ASB18: variants seen among roughly 807,000 people sequenced by gnomAD.
ASB18 encodes the protein ankyrin repeat and SOCS box containing 18.
A neutral mutation model predicts 33.4 loss-of-function variants in ASB18; 33 were observed. The observed-to-expected ratio is 0.99, with a 90% confidence interval of 0.75 to 1.32. The LOEUF (loss-of-function observed/expected upper bound fraction) is 1.32. ASB18 is among the 40% of genes most tolerant of loss of function. The probability of loss-of-function intolerance (pLI) is 0.00; values close to 1 mark genes in which losing one functional copy is unlikely to be tolerated. For synonymous variants in ASB18, 295 were observed against 307.6 expected, an observed-to-expected ratio of 0.96 and a Z score of 0.43; for missense variants, 694 against 655.5, an observed-to-expected ratio of 1.06 and a Z score of -0.64.
intron 3 of ASB18, among the ~76,000 whole-genome samples, chr2:236,224,557 GA>G (rs74941956): frequency 6.6e-6 from 1 of 151,882 alleles, no homozygotes; most frequent in African/African-American, 2.4e-5. Flanking sequence ...CAGTTTTTGG[GA>G]AAAAAACTTC....
At position 236,231,564 on chromosome 2, in the gene ASB18, C is replaced by T. The variant is rs559157629; in HGVS notation, c.596+6125G>A. 1.6e-4 allele frequency among the ~76,000 whole-genome samples: 24 copies of T among 152,294 alleles called. No individual in the cohort carries two copies. The highest frequency in any genetic ancestry group is 1.4e-3 in the Admixed American group (22 of 15,294). The stretch of plus-strand genomic sequence containing the variant: ...ACAATGAATCTGCTGGCAACTTGAT[C>T]TTGGACTTCCCAGCCTCCAGGACTG... On this transcript the variant is annotated intron_variant, in intron 3 of 5. Transcript: ENST00000409749. This position sits in a 1 kb window ranked among gnomAD's most constrained non-coding sequence, Gnocchi z 5.5.
chr2:236,242,297 G>T, intron 1 of ASB18, among the ~76,000 whole-genome samples: 1 of 152,110 alleles, frequency 6.6e-6, no homozygotes. Context: ...ACTGTCAGGA[G>T]CCACTTTCCA....
rs962080739 is a variant in ASB18 at position 236,238,068 on chromosome 2, A to G, written c.329-112T>C. On this transcript the variant is annotated intron_variant, in intron 2 of 5. Transcript: ENST00000409749. This position sits in a 1 kb window ranked among gnomAD's most constrained non-coding sequence, Gnocchi z 5.2. The stretch of plus-strand genomic sequence containing the variant: ...AAGCCGTCTCTTAAAGGTAGGTACC[A>G]GGTAGGCATGTAGGGAGAAGAGGAT... 9.0e-6 allele frequency: 8 copies of G among 886,754 alleles called. No homozygotes were observed. The highest frequency in any genetic ancestry group is 1.1e-5 in the Non-Finnish European group (7 of 641,370). 54.9% of individuals were successfully genotyped at this position (886,754 alleles called of 1,614,324 possible).
rs902191939 is a variant in ASB18, at chr2:236,223,968, T to C, written c.597-9102A>G. On this transcript the variant is annotated intron_variant, in intron 3 of 5. Transcript: ENST00000409749. The surrounding 1 kb of genome is among the most constrained non-coding windows in gnomAD (Gnocchi z 4.6). Reference sequence around the variant, plus strand: ...GCATGTTTCTATTTTTTGACTATTATAAATAAAGCTTCTATGAACGTTTTT... The same window carrying C: ...GCATGTTTCTATTTTTTGACTATTACAAATAAAGCTTCTATGAACGTTTTT... Among the ~76,000 whole-genome samples, 6 of 152,158 alleles carry C rather than the reference T, an allele frequency of 3.9e-5. No homozygotes were observed. In the East Asian group the frequency reaches 1.2e-3, roughly 29 times the overall value.
rs149653425 is a variant in ASB18 at position 236,235,012 on chromosome 2, G to C, written c.596+2677C>G. Among the ~76,000 whole-genome samples the C allele has an allele frequency of 9.1e-4, 138 of 152,304 alleles. No homozygotes were observed. The highest frequency in any genetic ancestry group is 3.2e-3 in the African/African-American group (134 of 41,570). On this transcript the variant is annotated intron_variant, in intron 3 of 5. Coordinates refer to ENST00000409749, the MANE Select transcript of ASB18 (RefSeq NM_212556.4). This position sits in a 1 kb window ranked among gnomAD's most constrained non-coding sequence, Gnocchi z 6.2. ...TGCTAAGAGAATAAAATCTAAGCCA[G>C]AGACTGGCAGGTAATACTTATCAAT... is the stretch of plus-strand genomic sequence containing the variant.
In ASB18 at chr2:236,251,393, G is replaced by A. The variant is rs1372688316; in HGVS notation, c.206-9991C>T. Among the ~76,000 whole-genome samples the A allele has an allele frequency of 2.0e-5, 3 of 152,192 alleles. No homozygotes were observed. Among genetic ancestry groups the A allele is most frequent in the African/African-American group, 7.2e-5 (3 of 41,454 alleles). On this transcript the variant is annotated intron_variant, in intron 1 of 5. Coordinates refer to ENST00000409749, the MANE Select transcript of ASB18 (RefSeq NM_212556.4). This position sits in a 1 kb window ranked among gnomAD's most constrained non-coding sequence, Gnocchi z 5.3. The stretch of plus-strand genomic sequence containing the variant: ...ACGAAGTTTCTTTACAACTGGCGTG[G>A]GGATTTAATTACATGATAAAATTGC...
rs2060694758 is a variant in ASB18 at position 236,256,854 on chromosome 2, C to T, written c.205+7287G>A. Among the ~76,000 whole-genome samples the T allele has an allele frequency of 6.6e-6, 1 of 151,988 alleles. No homozygotes were observed. The highest frequency in any genetic ancestry group is 2.1e-4 in the South Asian group (1 of 4,790). On this transcript the variant is annotated intron_variant, in intron 1 of 5. Coordinates refer to ENST00000409749, the MANE Select transcript of ASB18 (RefSeq NM_212556.4). The surrounding 1 kb of genome is among the most constrained non-coding windows in gnomAD (Gnocchi z 4.7). ...TAGCTCTAAGGCATGCATCTCATCT[C>T]ATCACAGTGTCATTCAACCTGCTTC...
rs79339142 is a variant in ASB18, at chr2:236,263,829, G to A, written c.205+312C>T. Among the ~76,000 whole-genome samples, 176 of 151,504 alleles carry A rather than the reference G, an allele frequency of 1.2e-3. 5 individuals carry two copies. In the East Asian group the frequency reaches 0.033, roughly 29 times the overall value. On this transcript the variant is annotated intron_variant, in intron 1 of 5. Transcript: ENST00000409749. The surrounding 1 kb of genome is among the most constrained non-coding windows in gnomAD (Gnocchi z 4.0). ...TCAAGGGAGCAGAACACACAATTATGTGTATGATATGGTTATCAGTGGGTG... is the reference window on the plus strand; with the variant it reads ...TCAAGGGAGCAGAACACACAATTATATGTATGATATGGTTATCAGTGGGTG...
At chr2:236,240,512 T>G (rs149599211) in intron 2 of ASB18, among the ~76,000 whole-genome samples, 1 of 152,230 alleles carries the variant, frequency 6.6e-6, no homozygotes, top group Admixed American at 6.5e-5. Context: ...CCAACGCATG[T>G]GAAACTTCTT....
In ASB18 at chr2:236,209,051, G is replaced by A. The variant is rs1221070287; in HGVS notation, c.1101+5311C>T. ...TCCTCCCACTGGGGACTGGGTGCAC[G>A]CAACTCTGTGAAGATGGGAGGGGGA... is the stretch of plus-strand genomic sequence containing the variant. On this transcript the variant is annotated intron_variant, in intron 4 of 5. Coordinates refer to ENST00000409749, the MANE Select transcript of ASB18 (RefSeq NM_212556.4). This position sits in a 1 kb window ranked among gnomAD's most constrained non-coding sequence, Gnocchi z 4.4. Among the ~76,000 whole-genome samples, 3 of 152,104 alleles carry A rather than the reference G, an allele frequency of 2.0e-5. No individual in the cohort carries two copies. The highest frequency in any genetic ancestry group is 6.5e-5 in the Admixed American group (1 of 15,270).
rs917048747 is a variant in ASB18, at chr2:236,216,486, T to C, written c.597-1620A>G. 3.9e-5 allele frequency among the ~76,000 whole-genome samples: 6 copies of C among 152,172 alleles called. No homozygotes were observed. Among genetic ancestry groups the C allele is most frequent in the Non-Finnish European group, 8.8e-5 (6 of 68,022 alleles). On this transcript the variant is annotated intron_variant, in intron 3 of 5. Coordinates refer to ENST00000409749, the MANE Select transcript of ASB18 (RefSeq NM_212556.4). This position sits in a 1 kb window ranked among gnomAD's most constrained non-coding sequence, Gnocchi z 6.1. The stretch of plus-strand genomic sequence containing the variant: ...CTTGATCATCTTGGCCCAGAGTTAG[T>C]CGTCTTTGGCTTATTTGGGGTCTTG...
rs918133192 is a variant in ASB18, at chr2:236,235,580, A to G, written c.596+2109T>C. On this transcript the variant is annotated intron_variant, in intron 3 of 5. Transcript: ENST00000409749. The surrounding 1 kb of genome is among the most constrained non-coding windows in gnomAD (Gnocchi z 6.2). ...AAGACATGTGTACACACCTATTAGA[A>G]TGTATACAATTAAGCCCTGACCATA... Among the ~76,000 whole-genome samples the G allele has an allele frequency of 2.6e-5, 4 of 152,250 alleles. No homozygotes were observed. The highest frequency in any genetic ancestry group is 9.6e-5 in the African/African-American group (4 of 41,464).
chr2:236,227,734 G>A (rs1333275507), intron 3 of ASB18, among the ~76,000 whole-genome samples: 3 of 152,152 alleles, frequency 2.0e-5, no homozygotes, highest in Non-Finnish European at 2.9e-5. Flanking sequence ...AATTGATTTG[G>A]TTGGCTTATG....
chr2:236,258,782 A>C (rs1465699931), intron 1 of ASB18, among the ~76,000 whole-genome samples: 2 of 152,118 alleles, frequency 1.3e-5, no homozygotes, highest in African/African-American at 4.8e-5. Context: ...GACGCTGGTG[A>C]GATCTCTTAA....
In ASB18 at chr2:236,208,240, C is replaced by T. The variant is rs577205274; in HGVS notation, c.1101+6122G>A. Among the ~76,000 whole-genome samples the T allele has an allele frequency of 2.0e-5, 3 of 152,220 alleles. No individual in the cohort carries two copies. The highest frequency in any genetic ancestry group is 7.2e-5 in the African/African-American group (3 of 41,552). ...GAGGCCTGGGGCCAGCACGGTCTTC[C>T]CAGCCCATCTCGCCAGCCCTGTCCC... On this transcript the variant is annotated intron_variant, in intron 4 of 5. Transcript: ENST00000409749. This position sits in a 1 kb window ranked among gnomAD's most constrained non-coding sequence, Gnocchi z 7.7.
chr2:236,247,195 T>C (rs2060649142), intron 1 of ASB18: 1 of 143,192 alleles, frequency 7.0e-6, no homozygotes, highest in Non-Finnish European at 1.5e-5. Flanking sequence ...TCATAAGACA[T>C]GCAGATTATT....
At chr2:236,261,648 A>T (rs1319846243) in intron 1 of ASB18, among the ~76,000 whole-genome samples, 1 of 152,220 alleles carries the variant, frequency 6.6e-6, no homozygotes, top group Admixed American at 6.5e-5. Flanking sequence ...GTGCTGAATC[A>T]TTAGGTAGGA....
rs2034666 is a variant in ASB18, at chr2:236,195,178, C to T, written c.1216-121G>A. ...CTATGGCTAACTGATCCCAGATAAG[C>T]GCACTGGAGGGAGACGCACCATCTT... On this transcript the variant is annotated intron_variant, in intron 5 of 5. Coordinates refer to ENST00000409749, the MANE Select transcript of ASB18 (RefSeq NM_212556.4). This position sits in a 1 kb window ranked among gnomAD's most constrained non-coding sequence, Gnocchi z 5.5. The T allele has an allele frequency of 0.1, 91,323 of 882,144 alleles. 5,775 individuals are homozygous for T. The highest frequency in any genetic ancestry group is 0.18 in the African/African-American group (10,407 of 58,620). The allele number at this position is 882,144 out of a possible 1,614,324, so 54.6% of individuals were successfully genotyped here. A position where few individuals can be genotyped will look rare whatever the true frequency, so the allele number is the denominator to read the frequency against.
At chr2:236,202,059 C>T (rs766687083) in intron 4 of ASB18, among the ~76,000 whole-genome samples, 3 of 151,988 alleles carry the variant, frequency 2.0e-5, no homozygotes, top group Admixed American at 6.6e-5. Context: ...AAGCAATTCT[C>T]CCGCCTCAGC....
Sources: allele counts gnomAD v4.1 joint callset (sites outside exome capture counted in the v4.1 genomes callset), GRCh38; gene constraint gnomAD v4.1.1; non-coding constraint Gnocchi (gnomAD v3.1); transcripts MANE v1.5; gene names NCBI Gene and HGNC (gene_info 2026-07-23, HGNC 2026-07-21).